Variants in UBASH3B observed in about 807,000 individuals in gnomAD.
UBASH3B encodes ubiquitin associated and SH3 domain containing B.
UBASH3B carries 37 observed loss-of-function variants against 83.4 expected under a neutral mutation model. The ratio of observed to expected loss-of-function variants is 0.44; its 90% CI spans 0.34 to 0.58. UBASH3B has a LOEUF of 0.58. Ranked by LOEUF, UBASH3B falls within the 20% of genes least tolerant of loss-of-function variation. The pLI is 0.01. For missense variants in UBASH3B, 657 were observed against 827.2 expected, an observed-to-expected ratio of 0.79 and a Z score of 2.52; for synonymous variants, 304 against 318.3, an observed-to-expected ratio of 0.96 and a Z score of 0.48.
At chr11:122,691,517 A>G (rs1348321363) in intron 1 of UBASH3B, among the ~76,000 whole-genome samples, 1 of 152,100 alleles carries the variant, frequency 6.6e-6, no homozygotes, top group Non-Finnish European at 1.5e-5. Context: ...AGTTATAAAA[A>G]CCAGGCCAAT....
intron 7 of UBASH3B, 101 bp from the exon 8 acceptor site, chr11:122,796,055 G>A: frequency 6.6e-7 from 1 of 1,506,774 alleles, no homozygotes; most frequent in Non-Finnish European, 9.1e-7. Context: ...TCATACCTTG[G>A]CAGAACTTTG....
chr11:122,797,020 A>G lies in UBASH3B; in HGVS notation c.1344A>G (p.Gln448=), dbSNP rs768936861. ...DAPITVFGCM[Q]ARLVGEALLE... The stretch of plus-strand genomic sequence containing the variant: ...CCATCACTGTGTTTGGATGCATGCA[A>G]GCAAGACTAGTGGGTAAGTATCCTG... Residue 448 remains glutamine, a synonymous_variant, in exon 9 of 14, where the codon CAA becomes CAG. Coordinates refer to ENST00000284273, the MANE Select transcript of UBASH3B (RefSeq NM_032873.5). The G allele has an allele frequency of 1.9e-6, 3 of 1,611,144 alleles. No individual in the cohort carries two copies. The highest frequency in any genetic ancestry group is 4.5e-5 in the East Asian group (2 of 44,844).
At chr11:122,699,507 TTCTTTCTTTCTCTTTCTTTCTTTC>T (rs1245280538) in intron 1 of UBASH3B, among the ~76,000 whole-genome samples, 5 of 141,294 alleles carry the variant, frequency 3.5e-5, no homozygotes, top group Middle Eastern at 3.7e-3. Context: ...AAATCTTTCT[TTCTTTCTTTCTCTTTCTTTCTTTC>T]TCTTTCTTTC....
chr11:122,722,145 A>G (rs1211934292), intron 1 of UBASH3B, among the ~76,000 whole-genome samples: 1 of 152,210 alleles, frequency 6.6e-6, no homozygotes, highest in Non-Finnish European at 1.5e-5. Flanking sequence ...GTTGTATCAC[A>G]TTTTACAGAT....
intron 1 of UBASH3B, among the ~76,000 whole-genome samples, chr11:122,656,807 A>G (rs573302930): frequency 1.1e-4 from 17 of 152,198 alleles, no homozygotes; most frequent in Non-Finnish European, 2.4e-4. Flanking sequence ...CAGAAGGAGA[A>G]GCGATCCCTC....
chr11:122,776,975 CT>C, intron 2 of UBASH3B, 48 bp from the exon 3 acceptor site: 1 of 1,501,582 alleles, frequency 6.7e-7, no homozygotes, highest in Non-Finnish European at 9.0e-7. Context: ...CTTTTTTCCC[CT>C]CCCATTATTC....
chr11:122,694,961 T>C, intron 1 of UBASH3B, among the ~76,000 whole-genome samples: 3 of 118,652 alleles, frequency 2.5e-5, no homozygotes, highest in African/African-American at 3.1e-5. Context: ...TTTCTTTTTT[T>C]TTTTTTTTTT....
intron 4 of UBASH3B, 140 bp downstream of exon 4, chr11:122,779,835 A>G: frequency 9.9e-7 from 1 of 1,010,132 alleles, no homozygotes; most frequent in Non-Finnish European, 1.4e-6. Context: ...GTGACAAAAA[A>G]ACAGCCTTTT....
In UBASH3B at chr11:122,812,529, GAAGGAAGGGC is replaced by G. The variant is rs1195443056; in HGVS notation, c.*2652_*2661del. ...AAACAAATGATGTATGGGGAGAGGA[GAAGGAAGGGC>G]AAGGAAGGAATTGACAGATAAGAAG... On this transcript the variant is annotated 3_prime_UTR_variant, in exon 14 of 14. Coordinates refer to ENST00000284273, the MANE Select transcript of UBASH3B (RefSeq NM_032873.5). The G allele has an allele frequency of 1.3e-5, 2 of 152,200 alleles. No individual in the cohort carries two copies. Among genetic ancestry groups the G allele is most frequent in the African/African-American group, 4.8e-5 (2 of 41,448 alleles). The allele number at this position is 152,200 out of a possible 1,614,324, so 9.4% of individuals were successfully genotyped here. A position where few individuals can be genotyped will look rare whatever the true frequency, so the allele number is the denominator to read the frequency against.
At chr11:122,809,427 T>C (rs967168931) in intron 13 of UBASH3B, among the ~76,000 whole-genome samples, 1 of 152,228 alleles carries the variant, frequency 6.6e-6, no homozygotes, top group Non-Finnish European at 1.5e-5. Flanking sequence ...CCTGGCATTG[T>C]AGCCTTATGT....
At chr11:122,676,128 G>A (rs1863664596) in intron 1 of UBASH3B, among the ~76,000 whole-genome samples, 1 of 152,182 alleles carries the variant, frequency 6.6e-6, no homozygotes, top group Admixed American at 6.5e-5. Context: ...TTGGCTGGGT[G>A]TGGTGGCTCA....
intron 1 of UBASH3B, among the ~76,000 whole-genome samples, chr11:122,702,686 G>A (rs923248625): frequency 2.6e-5 from 4 of 151,906 alleles, no homozygotes; most frequent in Admixed American, 6.6e-5. Context: ...TACCACACCC[G>A]GCAAATTTTT....
intron 1 of UBASH3B, among the ~76,000 whole-genome samples, chr11:122,750,755 G>GATC (rs1179726941): frequency 6.6e-6 from 1 of 152,162 alleles, no homozygotes; most frequent in Non-Finnish European, 1.5e-5. Flanking sequence ...CCTAGTCCAA[G>GATC]CTCTACTTCT....
chr11:122,803,694 G>A (rs557242802), intron 11 of UBASH3B, among the ~76,000 whole-genome samples: 1 of 152,242 alleles, frequency 6.6e-6, no homozygotes, highest in African/African-American at 2.4e-5. Flanking sequence ...CTGGAGTGTT[G>A]GAGGGGAAAC....
intron 1 of UBASH3B, among the ~76,000 whole-genome samples, chr11:122,739,828 G>T (rs1032876370): frequency 1.3e-5 from 2 of 152,160 alleles, no homozygotes; most frequent in African/African-American, 2.4e-5. Flanking sequence ...AGCTTTATGG[G>T]ATTTACCTAC....
At chr11:122,723,134 C>T (rs1012441167) in intron 1 of UBASH3B, among the ~76,000 whole-genome samples, 4 of 151,930 alleles carry the variant, frequency 2.6e-5, no homozygotes, top group Admixed American at 6.6e-5. Context: ...CTCCTCCTGG[C>T]GATTTTAATT....
intron 1 of UBASH3B, among the ~76,000 whole-genome samples, chr11:122,769,762 C>G (rs554250031): frequency 1.3e-5 from 2 of 152,350 alleles, no homozygotes; most frequent in Non-Finnish European, 2.9e-5. Context: ...TGTGGCTGGA[C>G]TCTTCAACCA....
intron 1 of UBASH3B, among the ~76,000 whole-genome samples, chr11:122,734,594 AG>A (rs1860901550): frequency 1.3e-5 from 2 of 152,176 alleles, no homozygotes; most frequent in Non-Finnish European, 2.9e-5. Context: ...GTGCTTCACA[AG>A]CAAGCCTCAC....
chr11:122,725,716 CAG>C (rs1443989606), intron 1 of UBASH3B, among the ~76,000 whole-genome samples: 3 of 152,006 alleles, frequency 2.0e-5, no homozygotes, highest in Non-Finnish European at 4.4e-5. Flanking sequence ...TTTTTTGAGA[CAG>C]AGTCTCACCC....
Sources: gnomAD v4.1 joint callset for allele counts (sites outside exome capture counted in the v4.1 genomes callset) on GRCh38, gnomAD v4.1.1 for gene constraint, MANE v1.5 for transcripts, NCBI Gene and HGNC (gene_info 2026-07-23, HGNC 2026-07-21) for gene names.